The following BRINP1 variants were observed in gnomAD, a reference collection of about 807,000 sequenced individuals.
BRINP1 encodes the protein BMP/retinoic acid-inducible neural-specific protein 1.
Under a neutral mutation model 72.9 loss-of-function variants are expected in BRINP1, and 17 were observed. The ratio of observed to expected loss-of-function variants is 0.23; its 90% CI spans 0.16 to 0.35. BRINP1 has a LOEUF of 0.35. Among genes scored for constraint, BRINP1 ranks in the 10% least tolerant of loss-of-function variants. The pLI, the probability that BRINP1 is intolerant of heterozygous loss-of-function variation, is 1.00. For synonymous variants in BRINP1, 418 were observed against 378.5 expected, an observed-to-expected ratio of 1.10 and a Z score of -1.21; for missense variants, 850 against 1,001.6, an observed-to-expected ratio of 0.85 and a Z score of 2.04.
chr9:119,270,840 A>G (rs1248279087), intron 2 of BRINP1, among the ~76,000 whole-genome samples: 32 of 152,338 alleles, frequency 2.1e-4, no homozygotes, highest in Admixed American at 2.1e-3. Context: ...TATTCATCCA[A>G]TAAATATGAT....
chr9:119,254,850 G>C (rs1447288610), intron 2 of BRINP1, among the ~76,000 whole-genome samples: 1 of 152,182 alleles, frequency 6.6e-6, no homozygotes, highest in Non-Finnish European at 1.5e-5. Context: ...ACAAAAGCAA[G>C]TGCCCAAATA....
intron 5 of BRINP1, among the ~76,000 whole-genome samples, chr9:119,222,258 G>A (rs1408390325): frequency 3.3e-5 from 5 of 152,052 alleles, no homozygotes; most frequent in Non-Finnish European, 7.4e-5. Flanking sequence ...TGAGATTCAG[G>A]AATTGTTTGT....
At chr9:119,174,277 A>T (rs1377220630) in intron 7 of BRINP1, among the ~76,000 whole-genome samples, 1 of 151,130 alleles carries the variant, frequency 6.6e-6, no homozygotes, top group African/African-American at 2.5e-5. Flanking sequence ...CAAGAAAAAA[A>T]CAAATAACCC....
At chr9:119,230,079 G>C (rs1339135597) in intron 5 of BRINP1, among the ~76,000 whole-genome samples, 1 of 148,394 alleles carries the variant, frequency 6.7e-6, no homozygotes, top group Admixed American at 6.7e-5. Flanking sequence ...ACCTGAGAGA[G>C]ATGAAAAGTT....
intron 2 of BRINP1, among the ~76,000 whole-genome samples, chr9:119,279,993 G>A (rs1477933666): frequency 1.3e-5 from 2 of 151,894 alleles, no homozygotes; most frequent in African/African-American, 4.8e-5. Flanking sequence ...AATGCTATAT[G>A]TACAAAAAGA....
At chr9:119,291,017 G>A (rs574715607) in intron 2 of BRINP1, among the ~76,000 whole-genome samples, 13 of 151,886 alleles carry the variant, frequency 8.6e-5, no homozygotes, top group Non-Finnish European at 1.0e-4. Context: ...CAGCTACTTC[G>A]GAGGCTGAGG....
intron 5 of BRINP1, among the ~76,000 whole-genome samples, chr9:119,217,825 G>A (rs1180812515): frequency 2.0e-5 from 3 of 151,940 alleles, no homozygotes; most frequent in South Asian, 2.1e-4. Flanking sequence ...CTTCTGTACT[G>A]AGAATACATC....
chr9:119,174,669 T>C (rs1829459595), intron 7 of BRINP1, among the ~76,000 whole-genome samples: 1 of 150,244 alleles, frequency 6.7e-6, no homozygotes, highest in African/African-American at 2.5e-5. Context: ...CATGCACACG[T>C]ATGTTTATTG....
chr9:119,288,454 C>T (rs557424256), intron 2 of BRINP1, among the ~76,000 whole-genome samples: 84 of 152,180 alleles, frequency 5.5e-4, no homozygotes, highest in Middle Eastern at 3.4e-3. Context: ...TGGGCCTTGA[C>T]CTCAGTAGCC....
chr9:119,253,987 C>A (rs764608196), intron 2 of BRINP1, among the ~76,000 whole-genome samples: 2 of 152,110 alleles, frequency 1.3e-5, no homozygotes, highest in Admixed American at 6.5e-5. Context: ...CTGTAATAAT[C>A]ACAGGATTCT....
At chr9:119,271,324 CA>C (rs11455242) in intron 2 of BRINP1, among the ~76,000 whole-genome samples, 7,357 of 142,642 alleles carry the variant, frequency 0.052, 230 homozygotes, top group Middle Eastern at 0.098. Flanking sequence ...CCAGAAGGAC[CA>C]AAAAAAAAAA....
intron 2 of BRINP1, among the ~76,000 whole-genome samples, chr9:119,303,555 T>C (rs1488662995): frequency 6.6e-6 from 1 of 152,208 alleles, no homozygotes; most frequent in Non-Finnish European, 1.5e-5. Flanking sequence ...AATCAATGTA[T>C]GCTGATAGCT....
At chr9:119,170,143 C>T (rs1407910308) in intron 7 of BRINP1, among the ~76,000 whole-genome samples, 2 of 152,040 alleles carry the variant, frequency 1.3e-5, no homozygotes, top group East Asian at 1.9e-4. Flanking sequence ...ATGACTTTGA[C>T]GAGCTGAGAG....
chr9:119,213,845 T>A (rs1271192219), intron 6 of BRINP1, 74 bp downstream of exon 6: 1 of 1,330,142 alleles, frequency 7.5e-7, no homozygotes, highest in South Asian at 1.2e-5. Context: ...GCAGTCCTAA[T>A]TCCAGTTAGA....
intron 2 of BRINP1, among the ~76,000 whole-genome samples, chr9:119,288,599 A>T (rs982654737): frequency 2.0e-5 from 3 of 152,208 alleles, no homozygotes; most frequent in African/African-American, 7.2e-5. Context: ...GCTAAATCTT[A>T]AAAAAGGGCC....
At chr9:119,185,442 A>G (rs1829606926) in intron 7 of BRINP1, among the ~76,000 whole-genome samples, 1 of 152,344 alleles carries the variant, frequency 6.6e-6, no homozygotes, top group Admixed American at 6.5e-5. Context: ...ACATCTCTGA[A>G]GAGTGCATTA....
Position 119,344,455 on chromosome 9 carries a change from C to T in BRINP1, c.-51+24601G>A, listed in dbSNP as rs929831688. 3.3e-5 allele frequency among the ~76,000 whole-genome samples: 5 copies of T among 152,144 alleles called. No homozygotes were observed. The East Asian group carries it at 9.6e-4, about 29-fold the overall frequency. On this transcript the variant is annotated intron_variant, in intron 1 of 7. Coordinates refer to ENST00000265922, the MANE Select transcript of BRINP1 (RefSeq NM_014618.3). ...TACTGTCTTGCTCACTTTTATGTTA[C>T]CAGAATTTAGAACACAATAGGTGGA...
At chr9:119,343,649 G>T (rs1831425119) in intron 1 of BRINP1, among the ~76,000 whole-genome samples, 1 of 152,194 alleles carries the variant, frequency 6.6e-6, no homozygotes, top group East Asian at 1.9e-4. Context: ...AATCAGGTCA[G>T]TAAATCATTC....
At chr9:119,344,554 T>C (rs898522405) in intron 1 of BRINP1, among the ~76,000 whole-genome samples, 1 of 152,210 alleles carries the variant, frequency 6.6e-6, no homozygotes, top group African/African-American at 2.4e-5. Flanking sequence ...CCACAGCCTC[T>C]AGTACAAGGA....
Sources: allele counts gnomAD v4.1 joint callset (sites outside exome capture counted in the v4.1 genomes callset), GRCh38; gene constraint gnomAD v4.1.1; transcripts MANE v1.5; gene names NCBI Gene and HGNC (gene_info 2026-07-23, HGNC 2026-07-21).